The following LRRTM4 variants were observed in gnomAD, a reference collection of about 807,000 sequenced individuals.
LRRTM4 encodes leucine-rich repeat transmembrane neuronal protein 4.
In LRRTM4, 25 loss-of-function variants were observed where a neutral mutation model predicts 47.6. The ratio of observed to expected loss-of-function variants is 0.53; its 90% CI spans 0.38 to 0.73. The LOEUF (loss-of-function observed/expected upper bound fraction) is 0.73, where lower values mean the gene tolerates loss of function less well. Ranked by LOEUF, LRRTM4 falls within the 30% of genes least tolerant of loss-of-function variation. LRRTM4 has a pLI of 0.00. For missense variants in LRRTM4, 638 were observed against 713.4 expected (o/e 0.89, Z 1.20); for synonymous variants, 311 against 269.5 (o/e 1.15, Z -1.51).
chr2:77,518,378 A>T lies in LRRTM4; in HGVS notation c.1491T>A (p.Asp497Glu), dbSNP rs1655954496. ...AGGGCCCAGATCCATTAACCGATATATCCATGGTCTCAGAGTTTGTAGGCT... is the reference window on the plus strand; with the variant it reads ...AGGGCCCAGATCCATTAACCGATATTTCCATGGTCTCAGAGTTTGTAGGCT... ...DYKPTNSETMDISVNGSGPCT... is the reference protein window; with the variant it reads ...DYKPTNSETMEISVNGSGPCT... Residue 497 changes from aspartate (D) to glutamate (E), a missense_variant, in exon 3 of 4, where the codon GAT becomes GAA. Asp to Glu is a conservative substitution (Grantham distance 45, BLOSUM62 2). Coordinates refer to ENST00000409884, the MANE Select transcript of LRRTM4 (RefSeq NM_001134745.3). 6 of 1,612,808 alleles carry T rather than the reference A, an allele frequency of 3.7e-6. No individual in the cohort carries two copies. The highest frequency in any genetic ancestry group is 4.2e-6 in the Non-Finnish European group (5 of 1,179,410).
chr2:76,944,264 A>T (rs541811700), intron 3 of LRRTM4, among the ~76,000 whole-genome samples: 1 of 152,190 alleles, frequency 6.6e-6, no homozygotes, highest in African/African-American at 2.4e-5. Context: ...CTCCTGACTC[A>T]TCTTCCTATG....
rs539786414 is a variant in LRRTM4, at chr2:76,993,799, G to A, written c.1552-244883C>T. 3.9e-5 allele frequency among the ~76,000 whole-genome samples: 6 copies of A among 151,986 alleles called. No homozygotes were observed. In the East Asian group the frequency reaches 7.8e-4, roughly 20 times the overall value. On this transcript the variant is annotated intron_variant, in intron 3 of 3. Coordinates refer to ENST00000409884, the MANE Select transcript of LRRTM4 (RefSeq NM_001134745.3). ...AAATTGTTCTACCAAAAAGACACAC[G>A]CCCTTGTAAGTTTATTGAAGCACCA... is the stretch of plus-strand genomic sequence containing the variant.
At chr2:77,507,114 ATTCAT>A (rs1188662776) in intron 3 of LRRTM4, among the ~76,000 whole-genome samples, 1 of 152,052 alleles carries the variant, frequency 6.6e-6, no homozygotes, top group Non-Finnish European at 1.5e-5. Context: ...CTTAAAAAGC[ATTCAT>A]TTACTTTATA....
chr2:77,326,452 A>G (rs1670779135), intron 3 of LRRTM4, among the ~76,000 whole-genome samples: 1 of 152,162 alleles, frequency 6.6e-6, no homozygotes, highest in Non-Finnish European at 1.5e-5. Context: ...GGACAGCAGT[A>G]GTATGATCAT....
chr2:77,496,951 G>C (rs1053713497), intron 3 of LRRTM4, among the ~76,000 whole-genome samples: 1 of 151,646 alleles, frequency 6.6e-6, no homozygotes, highest in East Asian at 1.9e-4. Context: ...GGGTAAGCTT[G>C]TAAGTACACA....
chr2:77,498,587 A>G (rs1678451784), intron 3 of LRRTM4, among the ~76,000 whole-genome samples: 1 of 151,820 alleles, frequency 6.6e-6, no homozygotes, highest in Admixed American at 6.6e-5. Flanking sequence ...AACATTAAAT[A>G]TTCTTGGGCC....
intron 3 of LRRTM4, among the ~76,000 whole-genome samples, chr2:76,844,665 C>G (rs1273582198): frequency 1.3e-5 from 2 of 152,100 alleles, no homozygotes; most frequent in Non-Finnish European, 2.9e-5. Context: ...AGTCTCAATT[C>G]TAAAAGCATG....
chr2:77,016,534 T>A (rs551150873), intron 3 of LRRTM4, among the ~76,000 whole-genome samples: 7 of 152,248 alleles, frequency 4.6e-5, no homozygotes, highest in East Asian at 1.9e-4. Flanking sequence ...TGTATTACAA[T>A]CATGTTGCCT....
intron 3 of LRRTM4, among the ~76,000 whole-genome samples, chr2:77,478,446 C>G (rs1199059470): frequency 6.6e-6 from 1 of 152,128 alleles, no homozygotes; most frequent in Non-Finnish European, 1.5e-5. Context: ...ACCTAGAAAA[C>G]TTTTTATATG....
At chr2:76,808,805 T>C (rs547281064) in intron 3 of LRRTM4, among the ~76,000 whole-genome samples, 2 of 144,886 alleles carry the variant, frequency 1.4e-5, no homozygotes, top group Admixed American at 1.5e-4. Flanking sequence ...CAGGAACTGC[T>C]GAGCATTTTC....
chr2:77,478,800 A>C (rs1255018453), intron 3 of LRRTM4, among the ~76,000 whole-genome samples: 1 of 152,188 alleles, frequency 6.6e-6, no homozygotes, highest in Non-Finnish European at 1.5e-5. Context: ...ATGTATTCAG[A>C]GTTTTTGTCT....
Position 77,288,568 on chromosome 2 carries a change from T to C in LRRTM4, c.1551+229750A>G, listed in dbSNP as rs535423622. Among the ~76,000 whole-genome samples the C allele has an allele frequency of 7.9e-5, 12 of 152,172 alleles. 2 individuals are homozygous for C. The South Asian group carries it at 2.5e-3, about 32-fold the overall frequency. The stretch of plus-strand genomic sequence containing the variant: ...GAACTCATCATTTTCCAAGGTAATG[T>C]GTCCAACATATAAACATACCATTGC... On this transcript the variant is annotated intron_variant, in intron 3 of 3. Coordinates refer to ENST00000409884, the MANE Select transcript of LRRTM4 (RefSeq NM_001134745.3).
chr2:77,398,217 G>A (rs1378114179), intron 3 of LRRTM4, among the ~76,000 whole-genome samples: 1 of 151,768 alleles, frequency 6.6e-6, no homozygotes, highest in African/African-American at 2.4e-5. Flanking sequence ...AGGAAACTGG[G>A]TCATTTCACA....
chr2:76,846,043 C>T (rs935030675), intron 3 of LRRTM4, among the ~76,000 whole-genome samples: 1 of 151,902 alleles, frequency 6.6e-6, no homozygotes, highest in Non-Finnish European at 1.5e-5. Context: ...AATTGGAGGG[C>T]CTGCTTTTCA....
chr2:77,075,778 A>G lies in LRRTM4; in HGVS notation c.1552-326862T>C, dbSNP rs1431730496. Among the ~76,000 whole-genome samples, 7 of 148,550 alleles carry G rather than the reference A, an allele frequency of 4.7e-5. No individual in the cohort carries two copies. The East Asian group carries it at 1.4e-3, about 30-fold the overall frequency. On this transcript the variant is annotated intron_variant, in intron 3 of 3. Coordinates refer to ENST00000409884, the MANE Select transcript of LRRTM4 (RefSeq NM_001134745.3). Reference sequence around the variant, plus strand: ...AAAATACAAAAAATTAGCCGGGCGTAGTGGCGGGCGCCTGTAGTCCCAGCT... The same window carrying G: ...AAAATACAAAAAATTAGCCGGGCGTGGTGGCGGGCGCCTGTAGTCCCAGCT...
Position 77,325,801 on chromosome 2 carries a change from G to A in LRRTM4, c.1551+192517C>T, listed in dbSNP as rs569957844. Among the ~76,000 whole-genome samples, 10 of 152,228 alleles carry A rather than the reference G, an allele frequency of 6.6e-5. No individual in the cohort carries two copies. The South Asian group carries it at 1.9e-3, about 28-fold the overall frequency. On this transcript the variant is annotated intron_variant, in intron 3 of 3. Coordinates refer to ENST00000409884, the MANE Select transcript of LRRTM4 (RefSeq NM_001134745.3). ...CTGCAGCCCATCAGCTTTATCTATG[G>A]TTGACTCTAAAGGCAAAACCATTAT...
At chr2:77,255,594 A>C (rs1229834580) in intron 3 of LRRTM4, among the ~76,000 whole-genome samples, 1 of 152,098 alleles carries the variant, frequency 6.6e-6, no homozygotes, top group Non-Finnish European at 1.5e-5. Flanking sequence ...ATGGCATCAG[A>C]GTAGCTATCA....
At chr2:76,848,115 G>A (rs1028103154) in intron 3 of LRRTM4, among the ~76,000 whole-genome samples, 5 of 151,966 alleles carry the variant, frequency 3.3e-5, no homozygotes, top group Non-Finnish European at 7.4e-5. Context: ...GATTCTTTGT[G>A]TGTGTTTGGG....
intron 3 of LRRTM4, among the ~76,000 whole-genome samples, chr2:77,078,075 C>G (rs1680400721): frequency 6.6e-6 from 1 of 152,166 alleles, no homozygotes; most frequent in African/African-American, 2.4e-5. Context: ...TCTACTCTTT[C>G]TACTGTCTAC....
Sources: gnomAD v4.1 joint callset for allele counts (sites outside exome capture counted in the v4.1 genomes callset) on GRCh38, gnomAD v4.1.1 for gene constraint, MANE v1.5 for transcripts, NCBI Gene and HGNC (gene_info 2026-07-23, HGNC 2026-07-21) for gene names.